EEFSEC: variants seen among roughly 807,000 people sequenced by gnomAD.
EEFSEC encodes the protein selenocysteine-specific elongation factor.
EEFSEC carries 43 observed loss-of-function variants against 42.1 expected under a neutral mutation model. The observed-to-expected ratio is 1.02, with a 90% CI of 0.80 to 1.32. The LOEUF (loss-of-function observed/expected upper bound fraction) is 1.32. Among genes scored for constraint, EEFSEC ranks in the 40% most tolerant of loss-of-function variants. The pLI is 0.00. For missense variants in EEFSEC, 745 were observed against 803.6 expected (o/e 0.93, Z 0.88); for synonymous variants, 354 against 339.1 (o/e 1.04, Z -0.48).
At chr3:128,290,873 G>A (rs534426380) in intron 4 of EEFSEC, among the ~76,000 whole-genome samples, 2 of 152,150 alleles carry the variant, frequency 1.3e-5, no homozygotes, top group South Asian at 2.1e-4. Flanking sequence ...AGCCTCCCAA[G>A]AAGCGGGATT....
At chr3:128,348,415 G>A (rs2107575388) in intron 5 of EEFSEC, among the ~76,000 whole-genome samples, 1 of 152,128 alleles carries the variant, frequency 6.6e-6, no homozygotes, top group Admixed American at 6.5e-5. Context: ...CTCTTTTTCA[G>A]TGTTCTTTCA....
At chr3:128,297,963 G>A (rs2066726378) in intron 4 of EEFSEC, among the ~76,000 whole-genome samples, 2 of 152,324 alleles carry the variant, frequency 1.3e-5, no homozygotes, top group East Asian at 1.9e-4. Context: ...AAGCCAGTCA[G>A]TAGGCCCTGG....
At chr3:128,222,042 T>G (rs1172019393) in intron 1 of EEFSEC, among the ~76,000 whole-genome samples, 2 of 145,944 alleles carry the variant, frequency 1.4e-5, no homozygotes, top group Admixed American at 1.4e-4. Context: ...TTTTTTTTTT[T>G]TTTTTTTTTG....
At chr3:128,279,671 C>T (rs1294377797) in intron 4 of EEFSEC, among the ~76,000 whole-genome samples, 2 of 152,236 alleles carry the variant, frequency 1.3e-5, no homozygotes, top group African/African-American at 4.8e-5. Flanking sequence ...AGTTGTATGC[C>T]AGTAGGAGCC....
chr3:128,406,679 G>A (rs2068117591), intron 6 of EEFSEC, among the ~76,000 whole-genome samples: 1 of 151,954 alleles, frequency 6.6e-6, no homozygotes, highest in African/African-American at 2.4e-5. Context: ...TAGGCATGGT[G>A]GCACGAGCCT....
chr3:128,372,472 C>T (rs1430656199), intron 6 of EEFSEC, among the ~76,000 whole-genome samples: 1 of 152,226 alleles, frequency 6.6e-6, no homozygotes, highest in Non-Finnish European at 1.5e-5. Flanking sequence ...TTCACCACAA[C>T]ACTTACCATG....
intron 6 of EEFSEC, among the ~76,000 whole-genome samples, chr3:128,374,592 G>A (rs957844316): frequency 1.3e-5 from 2 of 151,998 alleles, no homozygotes; most frequent in Admixed American, 6.6e-5. Context: ...CTCAATAAAG[G>A]CACACTGAAT....
At chr3:128,233,761 G>A (rs1194836303) in intron 1 of EEFSEC, among the ~76,000 whole-genome samples, 3 of 152,152 alleles carry the variant, frequency 2.0e-5, no homozygotes, top group Non-Finnish European at 4.4e-5. Flanking sequence ...TAGTATCATG[G>A]TACAAGTTCT....
Position 128,228,711 on chromosome 3 carries a change from T to C in EEFSEC, c.317-18125T>C, listed in dbSNP as rs1234702149. Among the ~76,000 whole-genome samples the C allele has an allele frequency of 2.0e-5, 3 of 151,964 alleles. No homozygotes were observed. The East Asian group carries it at 5.8e-4, about 29-fold the overall frequency. Reference sequence around the variant, plus strand: ...CCTGTCCTTGCACTTACCTGACAATTTGGCCTTGGGCAAGCAGGCAATGCA... The same window carrying C: ...CCTGTCCTTGCACTTACCTGACAATCTGGCCTTGGGCAAGCAGGCAATGCA... On this transcript the variant is annotated intron_variant, in intron 1 of 6. Coordinates refer to ENST00000254730, the MANE Select transcript of EEFSEC (RefSeq NM_021937.5).
At chr3:128,354,117 G>T (rs1469608885) in intron 5 of EEFSEC, among the ~76,000 whole-genome samples, 2 of 152,154 alleles carry the variant, frequency 1.3e-5, no homozygotes, top group Non-Finnish European at 2.9e-5. Context: ...GGGGCCACCA[G>T]CAGGCAGAAG....
chr3:128,302,890 C>G (rs1261116156), intron 4 of EEFSEC, among the ~76,000 whole-genome samples: 2 of 152,140 alleles, frequency 1.3e-5, no homozygotes, highest in African/African-American at 4.8e-5. Flanking sequence ...TTACATCTGT[C>G]TCACTTCAGT....
the EEFSEC span, among the ~76,000 whole-genome samples, chr3:128,418,883 C>T: frequency 6.6e-6 from 1 of 152,208 alleles, no homozygotes; most frequent in African/African-American, 2.4e-5. Context: ...GGACCTCTGC[C>T]TCTGCCCCTG....
chr3:128,166,086 C>T (rs1270949495), intron 1 of EEFSEC, among the ~76,000 whole-genome samples: 1 of 152,170 alleles, frequency 6.6e-6, no homozygotes, highest in Non-Finnish European at 1.5e-5. Context: ...TCAGAACTTA[C>T]GCTCTAGAGA....
At chr3:128,258,158 G>C (rs1051663239) in intron 2 of EEFSEC, among the ~76,000 whole-genome samples, 2 of 152,220 alleles carry the variant, frequency 1.3e-5, no homozygotes, top group African/African-American at 4.8e-5. Context: ...TGAGAGAGGA[G>C]GAGGAAGGGA....
chr3:128,286,715 T>A (rs895298769), intron 4 of EEFSEC, among the ~76,000 whole-genome samples: 3 of 152,202 alleles, frequency 2.0e-5, no homozygotes. Context: ...TATAGGAGAA[T>A]GGTATTAGAG....
intron 4 of EEFSEC, among the ~76,000 whole-genome samples, chr3:128,288,540 C>G (rs755698667): frequency 1.1e-4 from 16 of 152,150 alleles, no homozygotes; most frequent in Non-Finnish European, 1.9e-4. Flanking sequence ...GTCAGGAATC[C>G]CTTGTTGAAC....
intron 1 of EEFSEC, among the ~76,000 whole-genome samples, chr3:128,167,752 CA>C (rs2065255780): frequency 6.6e-6 from 1 of 152,198 alleles, no homozygotes; most frequent in African/African-American, 2.4e-5. Context: ...TTTGAGTTAA[CA>C]GGGGTGACCC....
chr3:128,410,891 G>T (rs914527756), downstream of EEFSEC, among the ~76,000 whole-genome samples: 5 of 152,208 alleles, frequency 3.3e-5, no homozygotes, highest in Admixed American at 1.3e-4. Flanking sequence ...TCAAAGTCCC[G>T]GGAAGGAGGG....
rs941234494 is a variant in EEFSEC at position 128,374,410 on chromosome 3, A to T, written c.1600+16037A>T. On this transcript the variant is annotated intron_variant, in intron 6 of 6. Transcript: ENST00000254730. ...ACTGTTTTTCGTTATTATGGCCAAC[A>T]TTCAGAGTCATCCTGGAGCTTTTCT... Among the ~76,000 whole-genome samples the T allele has an allele frequency of 1.1e-4, 17 of 152,334 alleles. 1 individual carries two copies. Among genetic ancestry groups the T allele is most frequent in the Middle Eastern group, 3.4e-3 (1 of 294 alleles).
Sources: allele counts gnomAD v4.1 joint callset (sites outside exome capture counted in the v4.1 genomes callset), GRCh38; gene constraint gnomAD v4.1.1; transcripts MANE v1.5; gene names NCBI Gene and HGNC (gene_info 2026-07-23, HGNC 2026-07-21).